Variants in DDX54 observed in about 807,000 individuals in gnomAD.
DDX54 encodes the protein DEAD-box helicase 54.
A neutral mutation model predicts 105.5 loss-of-function variants in DDX54; 67 were observed. The observed-to-expected ratio is 0.64, with a 90% CI of 0.52 to 0.78. DDX54 has a LOEUF of 0.78. Ranked by LOEUF, DDX54 falls within the 30% of genes least tolerant of loss-of-function variation. The probability of loss-of-function intolerance (pLI) is 0.00; values close to 1 mark genes in which losing one functional copy is unlikely to be tolerated. For synonymous variants in DDX54, 514 were observed against 509.9 expected, an observed-to-expected ratio of 1.01 and a Z score of -0.11; for missense variants, 1,206 against 1,230.5, an observed-to-expected ratio of 0.98 and a Z score of 0.30.
chr12:113,177,595 C>T (rs1051049394), intron 5 of DDX54, among the ~76,000 whole-genome samples: 4 of 152,168 alleles, frequency 2.6e-5, no homozygotes, highest in African/African-American at 9.7e-5. Flanking sequence ...CAATCACAAA[C>T]TTCAGAAAGA....
chr12:113,171,094 G>A (rs776610511), intron 11 of DDX54, among the ~76,000 whole-genome samples: 5 of 152,152 alleles, frequency 3.3e-5, no homozygotes, highest in South Asian at 2.1e-4. Flanking sequence ...CTTTGGGGGC[G>A]TCCTGGGGAC....
In DDX54 at chr12:113,165,665, T is replaced by C. The variant is rs1234411845; in HGVS notation, c.1698A>G (p.Ile566Met). 5.0e-6 allele frequency: 8 copies of C among 1,612,952 alleles called. No individual in the cohort carries two copies. Among genetic ancestry groups the C allele is most frequent in the Non-Finnish European group, 6.8e-6 (8 of 1,179,400 alleles). Residue 566 changes from isoleucine (I) to methionine (M), a missense_variant, in exon 14 of 20, where the codon ATA (isoleucine) becomes ATG (methionine). By Grantham distance (10) the Ile-to-Met change is conservative (BLOSUM62 1). Transcript: ENST00000306014. ...ELQRLRLVDSIKNYRSRATIF... is the reference protein window; with the variant it reads ...ELQRLRLVDSMKNYRSRATIF... ...TCACCGCCCGGGAGCGGTAGTTCTT[T>C]ATGCTGTCCACCAGCCTCAGCCGCT...
At position 113,185,345 on chromosome 12, in the gene DDX54, G is replaced by A. The variant is rs1952517484; in HGVS notation, c.107C>T (p.Ala36Val). 6.3e-7 allele frequency: 1 copy of A among 1,587,924 alleles called. No homozygotes were observed. Among genetic ancestry groups the A allele is most frequent in the Non-Finnish European group, 8.5e-7 (1 of 1,170,360 alleles). Residue 36 changes from alanine (A) to valine (V), a missense_variant, in exon 1 of 20, where the codon GCC becomes GTC. By Grantham distance (64) the Ala-to-Val change is moderately conservative. This residue lies in a region of DDX54 where 212 missense variants were observed against 155.4 expected (regional missense o/e 1.36). Transcript: ENST00000306014. ...GCCGTCCTCCGAGTCGCTGCCGCGG[G>A]CCTGGGAGGCCGCGCCTCGGCGCTT... is the stretch of plus-strand genomic sequence containing the variant. Reference protein sequence around the residue: ...LRKRRGAASQARGSDSEDGEF... With the variant: ...LRKRRGAASQVRGSDSEDGEF...
chr12:113,174,592 C>T (rs1452676183), intron 10 of DDX54, 48 bp downstream of exon 10: 13 of 1,592,670 alleles, frequency 8.2e-6, no homozygotes, highest in South Asian at 1.1e-5. Flanking sequence ...ACTGCAGCTC[C>T]AAACTCCAGC....
chr12:113,159,050 T>C lies in DDX54; in HGVS notation c.2473A>G (p.Thr825Ala). 1 of 1,611,050 alleles carries C rather than the reference T, an allele frequency of 6.2e-7. No homozygotes were observed. Among genetic ancestry groups the C allele is most frequent in the Non-Finnish European group, 8.5e-7 (1 of 1,178,998 alleles). Residue 825 changes from threonine (T) to alanine (A), a missense_variant, in exon 20 of 20, where the codon ACC (threonine) becomes GCC (alanine). Around this residue, in one of 3 missense-constraint regions of DDX54, gnomAD observed 961 missense variants for 1,019.1 expected, o/e 0.94. Transcript: ENST00000306014. ...PAGRVRPELK[T>A]KQQILKQRRR... ...CGCTGCTTCAGGATCTGCTGCTTGG[T>C]CTTGAGTTCCGGGCGGACTCGGCCT...
rs193046698 is a variant in DDX54 at position 113,166,145 on chromosome 12, C to T, written c.1415-113G>A. The T allele has an allele frequency of 8.8e-4, 892 of 1,015,496 alleles. 13 individuals are homozygous for T. The African/African-American group carries it at 0.013, about 15-fold the overall frequency. 62.9% of individuals were successfully genotyped at this position (1,015,496 alleles called of 1,614,324 possible). On this transcript the variant is annotated intron_variant, in intron 12 of 19. Coordinates refer to ENST00000306014, the MANE Select transcript of DDX54 (RefSeq NM_024072.4). ...CCCCTGAATCACAGGTAAATGGCTA[C>T]AAAATAATCACTGCAAAGAACACCA...
intron 5 of DDX54, chr12:113,178,277 G>C (rs1056796530): frequency 6.6e-6 from 1 of 152,166 alleles, no homozygotes; most frequent in East Asian, 1.9e-4. Context: ...ACAAGCCCAC[G>C]ATTATGCATT....
chr12:113,157,801 A>G lies in DDX54; in HGVS notation c.*1076T>C. ...CTGAATCCGTTTCCTCATTGGGAAGATGGGAGGGCTGTGCCTGTTCAGAGT... is the reference window on the plus strand; with the variant it reads ...CTGAATCCGTTTCCTCATTGGGAAGGTGGGAGGGCTGTGCCTGTTCAGAGT... On this transcript the variant is annotated 3_prime_UTR_variant, in exon 20 of 20. Transcript: ENST00000306014. 1.2e-6 allele frequency: 1 copy of G among 822,196 alleles called. No individual in the cohort carries two copies. Among genetic ancestry groups the G allele is most frequent in the Non-Finnish European group, 2.0e-6 (1 of 506,574 alleles). 50.9% of individuals were successfully genotyped at this position (822,196 alleles called of 1,614,324 possible).
chr12:113,167,738 C>T (rs895504516), intron 12 of DDX54, among the ~76,000 whole-genome samples: 8 of 152,196 alleles, frequency 5.3e-5, no homozygotes, highest in African/African-American at 1.7e-4. Context: ...CTAACTGCAC[C>T]GGGGGTGGTT....
At chr12:113,174,402 G>T (rs1230185307) in intron 10 of DDX54, among the ~76,000 whole-genome samples, 2 of 152,132 alleles carry the variant, frequency 1.3e-5, no homozygotes, top group East Asian at 3.9e-4. Context: ...CGGGAGAATT[G>T]TTTGAGCCTG....
chr12:113,164,314 C>A, intron 14 of DDX54, 29 bp from the exon 15 acceptor site: 1 of 1,550,060 alleles, frequency 6.5e-7, no homozygotes, highest in East Asian at 2.4e-5. Flanking sequence ...GTCCTTTGCC[C>A]ACTGGCCTCC....
intron 1 of DDX54, among the ~76,000 whole-genome samples, chr12:113,181,663 A>G (rs931240938): frequency 1.3e-5 from 2 of 151,778 alleles, no homozygotes; most frequent in Non-Finnish European, 2.9e-5. Flanking sequence ...GAAGTACTAG[A>G]CTTTTCCAAG....
rs1263773302 is a variant in DDX54 at position 113,161,936 on chromosome 12, T to A, written c.2257A>T (p.Thr753Ser). 1 of 1,612,864 alleles carries A rather than the reference T, an allele frequency of 6.2e-7. No homozygotes were observed. The highest frequency in any genetic ancestry group is 1.3e-5 in the African/African-American group (1 of 74,890). ...CTGCTGATGTAGCGGCCGCTCTCTG[T>A]CTTAATCTTCTTCTTGTCTTCCTGT... is the stretch of plus-strand genomic sequence containing the variant. ...SGQEDKKKIK[T>S]ESGRYISSSY... Residue 753 changes from threonine to serine, a missense_variant, in exon 18 of 20, where the codon ACA becomes TCA. By Grantham distance (58) the Thr-to-Ser change is moderately conservative. Coordinates refer to ENST00000306014, the MANE Select transcript of DDX54 (RefSeq NM_024072.4).
rs774477516 is a variant in DDX54, at chr12:113,165,927, C to A, written c.1520G>T (p.Gly507Val). ...STLEASLELR[G>V]LARVADNAQQ... ...GGCGTTATCAGCAACGCGGGCCAGG[C>A]CCCGTAGCTCCAGCGATGCCTCCAG... is the stretch of plus-strand genomic sequence containing the variant. Residue 507 changes from glycine (G) to valine (V), a missense_variant, in exon 13 of 20, where the codon GGC (glycine) becomes GTC (valine). Coordinates refer to ENST00000306014, the MANE Select transcript of DDX54 (RefSeq NM_024072.4). 2 of 1,613,706 alleles carry A rather than the reference C, an allele frequency of 1.2e-6. No homozygotes were observed. The highest frequency in any genetic ancestry group is 2.2e-5 in the South Asian group (2 of 91,090).
Position 113,174,922 on chromosome 12 carries a change from CG to C in DDX54, c.888del (p.Val297CysfsTer15). 6.2e-7 allele frequency: 1 copy of C among 1,613,440 alleles called. No homozygotes were observed. The highest frequency in any genetic ancestry group is 8.5e-7 in the Non-Finnish European group (1 of 1,179,744). On this transcript the variant is annotated frameshift_variant, in exon 9 of 20. Coordinates refer to ENST00000306014, the MANE Select transcript of DDX54 (RefSeq NM_024072.4). LOFTEE classifies it high-confidence loss of function. ...GTATCCACGTCAAGCCGGATGAGCACGGGCTCCGTGAGGCCTGCAGGAGACA... is the reference window on the plus strand; with the variant it reads ...GTATCCACGTCAAGCCGGATGAGCACGGCTCCGTGAGGCCTGCAGGAGACA... ...VEFARAGLTE[P>X]VLIRLDVDTK...
At chr12:113,162,340 G>A (rs1160291410) in intron 17 of DDX54, among the ~76,000 whole-genome samples, 1 of 152,134 alleles carries the variant, frequency 6.6e-6, no homozygotes, top group Non-Finnish European at 1.5e-5. Flanking sequence ...CTCTCCAGAC[G>A]CTAGAGTCCT....
At chr12:113,175,234 C>T in intron 7 of DDX54, 77 bp from the exon 8 acceptor site, 1 of 1,510,836 alleles carries the variant, frequency 6.6e-7, no homozygotes, top group South Asian at 1.3e-5. Flanking sequence ...ATCCTTGTCC[C>T]CACAACTTCT....
chr12:113,182,802 T>C (rs1304763037), intron 1 of DDX54, among the ~76,000 whole-genome samples: 1 of 151,794 alleles, frequency 6.6e-6, no homozygotes, highest in East Asian at 1.9e-4. Context: ...AGTGATCCGC[T>C]CACCTTGGCC....
At chr12:113,180,051 G>T in intron 2 of DDX54, 46 bp from the exon 3 acceptor site, 1 of 1,579,740 alleles carries the variant, frequency 6.3e-7, no homozygotes, top group Non-Finnish European at 8.7e-7. Context: ...AGTCCCCACA[G>T]CACCAACCCC....
Sources: gnomAD v4.1 joint callset for allele counts (sites outside exome capture counted in the v4.1 genomes callset) on GRCh38, gnomAD v4.1.1 for gene constraint, gnomAD v4.1.1 regional missense constraint, MANE v1.5 for transcripts, NCBI Gene and HGNC (gene_info 2026-07-23, HGNC 2026-07-21) for gene names.